The following RNF38 variants were observed in gnomAD, a reference collection of about 807,000 sequenced individuals.
The protein encoded by RNF38 is ring finger protein 38, also known as E3 ubiquitin-protein ligase RNF38.
A neutral mutation model predicts 67.2 loss-of-function variants in RNF38; 15 were observed. The ratio of observed to expected loss-of-function variants is 0.22; its 90% CI spans 0.15 to 0.34. RNF38 has a LOEUF of 0.34. Among genes scored for constraint, RNF38 ranks in the 10% least tolerant of loss-of-function variants. RNF38 has a pLI of 1.00. For missense variants in RNF38, 524 were observed against 639.9 expected (o/e 0.82, Z 1.95); for synonymous variants, 220 against 218.8 (o/e 1.01, Z -0.05).
At chr9:36,426,164 T>C (rs1440656329) in intron 1 of RNF38, among the ~76,000 whole-genome samples, 1 of 152,238 alleles carries the variant, frequency 6.6e-6, no homozygotes, top group African/African-American at 2.4e-5. Flanking sequence ...TTTGTTTTGT[T>C]TTGTCTTGTT....
At chr9:36,345,087 G>T in intron 9 of RNF38, 134 bp from the exon 10 acceptor site, 1 of 842,112 alleles carries the variant, frequency 1.2e-6, no homozygotes, top group Non-Finnish European at 1.7e-6. Context: ...CATGATCATT[G>T]TGCACTGTGG....
intron 1 of RNF38, among the ~76,000 whole-genome samples, chr9:36,397,041 G>A (rs556333876): frequency 1.0e-4 from 15 of 147,318 alleles, no homozygotes; most frequent in South Asian, 2.1e-4. Flanking sequence ...ACGTATATAC[G>A]TATATACACA....
chr9:36,382,972 T>C (rs1231703506), intron 2 of RNF38, among the ~76,000 whole-genome samples: 1 of 152,186 alleles, frequency 6.6e-6, no homozygotes, highest in African/African-American at 2.4e-5. Context: ...TTTAAATAAA[T>C]GTGAAAACAC....
chr9:36,342,617 A>G (rs1832932132), intron 10 of RNF38, among the ~76,000 whole-genome samples, 193 bp from the exon 11 acceptor site: 1 of 152,232 alleles, frequency 6.6e-6, no homozygotes, highest in African/African-American at 2.4e-5. Flanking sequence ...CAGATTAGCA[A>G]GAAAATTTCT....
intron 1 of RNF38, among the ~76,000 whole-genome samples, chr9:36,392,419 C>T (rs998672836): frequency 6.6e-6 from 1 of 152,122 alleles, no homozygotes; most frequent in Non-Finnish European, 1.5e-5. Flanking sequence ...TGACTGACTC[C>T]TACAAGCCAA....
intron 1 of RNF38, among the ~76,000 whole-genome samples, chr9:36,458,323 G>A (rs988380774): frequency 6.6e-6 from 1 of 152,212 alleles, no homozygotes; most frequent in Admixed American, 6.5e-5. Flanking sequence ...CCAGCAGGAT[G>A]TGGGCAGGGC....
At chr9:36,400,892 A>ACGCCC (rs1564046319), upstream of RNF38, 1 of 928,434 alleles carries the variant, frequency 1.1e-6, no homozygotes, top group Non-Finnish European at 1.2e-6. Flanking sequence ...CGGCCCGGCC[A>ACGCCC]CGCCCCTCCC....
At chr9:36,455,493 A>G (rs1031803659) in intron 1 of RNF38, among the ~76,000 whole-genome samples, 2 of 151,858 alleles carry the variant, frequency 1.3e-5, no homozygotes, top group Non-Finnish European at 2.9e-5. Context: ...TTAAAAGTGC[A>G]CTCATTTAGC....
At chr9:36,432,833 G>A (rs181513992) in intron 1 of RNF38, among the ~76,000 whole-genome samples, 3 of 152,180 alleles carry the variant, frequency 2.0e-5, no homozygotes, top group East Asian at 3.9e-4. Context: ...CAGCCATTCA[G>A]GAGAAAATGC....
chr9:36,338,191 T>TAAAC lies in RNF38; in HGVS notation c.*1557_*1560dup, dbSNP rs1832580490. Reference sequence around the variant, plus strand: ...ACACTAAAAGAATGAGAAAGTAATTTAAACATTGCTGGAAAAATGACTTTA... The same window carrying TAAAC: ...ACACTAAAAGAATGAGAAAGTAATTTAAACAAACATTGCTGGAAAAATGACTTTA... On this transcript the variant is annotated 3_prime_UTR_variant, in exon 12 of 12. Coordinates refer to ENST00000259605, the MANE Select transcript of RNF38 (RefSeq NM_022781.5). 6.6e-6 allele frequency: 1 copy of TAAAC among 152,224 alleles called. No homozygotes were observed. Among genetic ancestry groups the TAAAC allele is most frequent in the African/African-American group, 2.4e-5 (1 of 41,462 alleles). 9.4% of individuals were successfully genotyped at this position (152,224 alleles called of 1,614,324 possible). A position where few individuals can be genotyped will look rare whatever the true frequency, so the allele number is the denominator to read the frequency against.
intron 1 of RNF38, among the ~76,000 whole-genome samples, chr9:36,455,716 C>T (rs1175689209): frequency 2.0e-5 from 3 of 148,634 alleles, no homozygotes. Context: ...TGCAGTGAGC[C>T]GAGACAAGAC....
At chr9:36,348,410 C>T (rs1489273347) in intron 9 of RNF38, among the ~76,000 whole-genome samples, 1 of 151,920 alleles carries the variant, frequency 6.6e-6, no homozygotes, top group Admixed American at 6.6e-5. Context: ...GAGGTTGAGG[C>T]TGTACTGAGC....
At position 36,407,143 on chromosome 9, in the gene RNF38, T is replaced by G. The variant is rs568959604; in HGVS notation, n.313-16527A>C. ...ACTGCAAAACAATCAGCATAAGCAG[T>G]TTCACCCAGAAATGTTAACACAAAT... On this transcript the variant is annotated intron_variant and non_coding_transcript_variant, in intron 2 of 3. Coordinates refer to the RNF38 transcript ENST00000488058. Among the ~76,000 whole-genome samples, 12 of 152,260 alleles carry G rather than the reference T, an allele frequency of 7.9e-5. No homozygotes were observed. The South Asian group carries it at 2.5e-3, about 32-fold the overall frequency.
chr9:36,444,766 C>T (rs897745891), intron 1 of RNF38, among the ~76,000 whole-genome samples: 1 of 152,106 alleles, frequency 6.6e-6, no homozygotes, highest in Non-Finnish European at 1.5e-5. Context: ...CACCACTGCA[C>T]TCCAACCTGG....
At chr9:36,487,260 G>A (rs1374954355) in intron 1 of RNF38, 2 of 980,316 alleles carry the variant, frequency 2.0e-6, no homozygotes, top group East Asian at 1.1e-4. Context: ...CCCACCCGCG[G>A]GACCGACCCA....
At chr9:36,363,873 A>ATTTT (rs558655028) in intron 4 of RNF38, among the ~76,000 whole-genome samples, 2 of 76,294 alleles carry the variant, frequency 2.6e-5, no homozygotes, top group East Asian at 6.5e-4. Flanking sequence ...TTATATGCAG[A>ATTTT]TTTTTTTTTT....
chr9:36,483,971 T>A (rs940471829), intron 1 of RNF38, among the ~76,000 whole-genome samples: 2 of 152,332 alleles, frequency 1.3e-5, no homozygotes, highest in Admixed American at 1.3e-4. Context: ...ATCATTCTTT[T>A]ATGCTCCACA....
In RNF38 at chr9:36,431,388, C is replaced by T. The variant is rs920488370; in HGVS notation, n.242-6705G>A. Among the ~76,000 whole-genome samples the T allele has an allele frequency of 3.3e-5, 5 of 152,212 alleles. No homozygotes were observed. In the East Asian group the frequency reaches 5.8e-4, roughly 18 times the overall value. ...GGCAACTGTAACACAATGGTATTTGCGTATCAAAACACATCTAAACATAGA... is the reference window on the plus strand; with the variant it reads ...GGCAACTGTAACACAATGGTATTTGTGTATCAAAACACATCTAAACATAGA... On this transcript the variant is annotated intron_variant and non_coding_transcript_variant, in intron 1 of 3. Transcript: ENST00000488058.
intron 3 of RNF38, among the ~76,000 whole-genome samples, chr9:36,371,784 C>A (rs996846338): frequency 1.3e-5 from 2 of 151,834 alleles, no homozygotes; most frequent in African/African-American, 4.8e-5. Flanking sequence ...TCTCGTATTG[C>A]CTTCTTCTGG....
Sources: gnomAD v4.1 joint callset for allele counts (sites outside exome capture counted in the v4.1 genomes callset) on GRCh38, gnomAD v4.1.1 for gene constraint, MANE v1.5 for transcripts, NCBI Gene and HGNC (gene_info 2026-07-23, HGNC 2026-07-21) for gene names.